Variants in BNC2 observed in about 807,000 individuals in gnomAD.
BNC2 encodes the protein basonuclin zinc finger protein 2.
Under a neutral mutation model 76.3 loss-of-function variants are expected in BNC2, and 20 were observed. That is an observed-to-expected ratio of 0.26 (90% CI 0.18 to 0.38). BNC2 has a LOEUF of 0.38. BNC2 is among the 10% of genes least tolerant of loss of function. BNC2 has a pLI of 1.00. For synonymous variants in BNC2, 582 were observed against 514.8 expected (o/e 1.13, Z -1.77); for missense variants, 1,382 against 1,399.8 (o/e 0.99, Z 0.20).
chr9:16,830,116 T>C (rs1476518050), intron 1 of BNC2, among the ~76,000 whole-genome samples: 1 of 152,248 alleles, frequency 6.6e-6, no homozygotes, highest in Non-Finnish European at 1.5e-5. Context: ...TGAAACAACA[T>C]ATTCCATATT....
rs1390104334 is a variant in BNC2 at position 16,435,961 on chromosome 9, G to C, written c.2233C>G (p.His745Asp). 3.7e-6 allele frequency: 6 copies of C among 1,614,154 alleles called. No homozygotes were observed. The highest frequency in any genetic ancestry group is 2.2e-5 in the East Asian group (1 of 44,862). The change falls in exon 6 of 7, where the codon CAC becomes GAC. Residue 745 changes from histidine (H) to aspartate (D), a missense_variant. By Grantham distance (81) the His-to-Asp change is moderately conservative. Around this residue, in one of 3 missense-constraint regions of BNC2, gnomAD observed 798 missense variants for 775.5 expected, o/e 1.03. Transcript: ENST00000380672. The stretch of plus-strand genomic sequence containing the variant: ...AGGACTTTTTCACTCACTTCGCTGT[G>C]AATGTGCTCATCCCCTTCCATGGAT... Reference protein sequence around the residue: ...EESMEGDEHIHSEVSEKVLMN... With the variant: ...EESMEGDEHIDSEVSEKVLMN...
intron 1 of BNC2, among the ~76,000 whole-genome samples, chr9:16,818,804 G>A (rs1818246530): frequency 1.3e-5 from 2 of 152,096 alleles, no homozygotes; most frequent in African/African-American, 4.8e-5. Context: ...TGAGGTTACA[G>A]GCACGTGCCA....
chr9:16,640,589 G>A (rs941512328), intron 3 of BNC2, among the ~76,000 whole-genome samples: 3 of 152,132 alleles, frequency 2.0e-5, no homozygotes, highest in Admixed American at 1.3e-4. Context: ...CATTCTATTA[G>A]GCTGAGAAAA....
intron 3 of BNC2, among the ~76,000 whole-genome samples, chr9:16,633,316 C>T (rs1001663330): frequency 6.6e-6 from 1 of 152,130 alleles, no homozygotes; most frequent in African/African-American, 2.4e-5. Flanking sequence ...TGAACAAGGC[C>T]ATACATAAAT....
chr9:16,773,391 T>C (rs1360850089), intron 1 of BNC2, among the ~76,000 whole-genome samples: 1 of 152,116 alleles, frequency 6.6e-6, no homozygotes, highest in East Asian at 1.9e-4. Flanking sequence ...TGTATGTCCA[T>C]TCCCACTGCT....
chr9:16,694,404 T>C (rs1278452103), intron 3 of BNC2, among the ~76,000 whole-genome samples: 4 of 152,088 alleles, frequency 2.6e-5, no homozygotes, highest in African/African-American at 9.7e-5. Flanking sequence ...AAGAGACAAA[T>C]ACAACAGGCA....
intron 5 of BNC2, among the ~76,000 whole-genome samples, chr9:16,460,775 T>G (rs988873562): frequency 1.3e-5 from 2 of 152,004 alleles, no homozygotes; most frequent in Non-Finnish European, 2.9e-5. Flanking sequence ...AGATGAGAAA[T>G]CCCTGATTTT....
chr9:16,700,178 T>TA (rs1238664102), intron 3 of BNC2, among the ~76,000 whole-genome samples: 1 of 152,216 alleles, frequency 6.6e-6, no homozygotes, highest in Non-Finnish European at 1.5e-5. Flanking sequence ...AACTGTGACT[T>TA]AGTTTTTTCA....
chr9:16,743,807 T>C (rs938562075), intron 1 of BNC2, among the ~76,000 whole-genome samples: 1 of 152,124 alleles, frequency 6.6e-6, no homozygotes, highest in African/African-American at 2.4e-5. Flanking sequence ...CCATACCAAG[T>C]GAGTAAACCA....
intron 4 of BNC2, among the ~76,000 whole-genome samples, chr9:16,559,011 A>G (rs1007579753): frequency 2.0e-5 from 3 of 152,172 alleles, no homozygotes; most frequent in African/African-American, 7.2e-5. Flanking sequence ...GGCTGAATGC[A>G]ATTCACAATT....
intron 1 of BNC2, among the ~76,000 whole-genome samples, chr9:16,827,631 G>A (rs1818485010): frequency 6.6e-6 from 1 of 152,130 alleles, no homozygotes; most frequent in South Asian, 2.1e-4. Context: ...TAAAAATGGG[G>A]TGCGTGCAAA....
intron 1 of BNC2, among the ~76,000 whole-genome samples, chr9:16,869,764 G>C (rs554134325): frequency 7.9e-5 from 12 of 152,300 alleles, no homozygotes; most frequent in Admixed American, 1.3e-4. Flanking sequence ...GTCGCTTCTC[G>C]TAGAGGGGCT....
chr9:16,593,149 T>C (rs1035691702), intron 3 of BNC2, among the ~76,000 whole-genome samples: 2 of 151,814 alleles, frequency 1.3e-5, no homozygotes, highest in Non-Finnish European at 2.9e-5. Context: ...AAAAAAATCC[T>C]CAATTTACTG....
chr9:16,781,352 T>A (rs1444600281), intron 1 of BNC2, among the ~76,000 whole-genome samples: 1 of 152,068 alleles, frequency 6.6e-6, no homozygotes, highest in African/African-American at 2.4e-5. Flanking sequence ...TTATTATGTA[T>A]ATTTTTTTAA....
chr9:16,534,751 A>C (rs971707783), intron 5 of BNC2, among the ~76,000 whole-genome samples: 1 of 152,196 alleles, frequency 6.6e-6, no homozygotes, highest in Non-Finnish European at 1.5e-5. Flanking sequence ...TAAATAACCT[A>C]GATATGATTT....
At chr9:16,492,478 G>A (rs1321679004) in intron 5 of BNC2, among the ~76,000 whole-genome samples, 3 of 152,064 alleles carry the variant, frequency 2.0e-5, no homozygotes, top group Non-Finnish European at 4.4e-5. Context: ...TGATTAACTG[G>A]CTGTTGGTCC....
chr9:16,770,438 T>G (rs2135453847), intron 1 of BNC2, among the ~76,000 whole-genome samples: 1 of 152,332 alleles, frequency 6.6e-6, no homozygotes, highest in South Asian at 2.1e-4. Context: ...CTAAATTAAC[T>G]TGGTCTTTGG....
intron 5 of BNC2, among the ~76,000 whole-genome samples, chr9:16,492,429 T>C (rs1380396115): frequency 6.6e-6 from 1 of 152,206 alleles, no homozygotes; most frequent in Non-Finnish European, 1.5e-5. Flanking sequence ...GCTTAAAACA[T>C]GTAGTTTGTT....
Position 16,547,493 on chromosome 9 carries a change from G to T in BNC2, c.669+5037C>A, listed in dbSNP as rs372771178. 2.0e-5 allele frequency among the ~76,000 whole-genome samples: 3 copies of T among 152,202 alleles called. No individual in the cohort carries two copies. In the East Asian group the frequency reaches 5.8e-4, roughly 29 times the overall value. On this transcript the variant is annotated intron_variant, in intron 5 of 6. Coordinates refer to ENST00000380672, the MANE Select transcript of BNC2 (RefSeq NM_017637.6). ...TTATTCAGTGCTCTGCATTTGTGTT[G>T]TTCCCTAGTGAGGAGGCCAGAAAAA... is the stretch of plus-strand genomic sequence containing the variant.
Sources: allele counts gnomAD v4.1 joint callset (sites outside exome capture counted in the v4.1 genomes callset), GRCh38; gene constraint gnomAD v4.1.1; regional missense constraint gnomAD v4.1.1; transcripts MANE v1.5; gene names NCBI Gene and HGNC (gene_info 2026-07-23, HGNC 2026-07-21).